Variants in DDR2 observed in about 807,000 individuals in gnomAD.
DDR2 encodes discoidin domain-containing receptor 2.
In DDR2, 27 loss-of-function variants were observed where a neutral mutation model predicts 94.9. The ratio of observed to expected loss-of-function variants is 0.28; its 90% CI spans 0.21 to 0.39. The LOEUF (loss-of-function observed/expected upper bound fraction) is 0.39. DDR2 is among the 10% of genes least tolerant of loss of function. The pLI, the probability that DDR2 is intolerant of heterozygous loss-of-function variation, is 1.00. For synonymous variants in DDR2, 382 were observed against 377.2 expected, an observed-to-expected ratio of 1.01 and a Z score of -0.15; for missense variants, 783 against 1,076.0, an observed-to-expected ratio of 0.73 and a Z score of 3.81.
At chr1:162,769,349 A>T (rs1664152980) in intron 11 of DDR2, among the ~76,000 whole-genome samples, 1 of 152,238 alleles carries the variant, frequency 6.6e-6, no homozygotes, top group African/African-American at 2.4e-5. Context: ...ACACACATAC[A>T]TTCTAAGAAC....
At chr1:162,737,159 AT>A (rs34908304) in intron 3 of DDR2, among the ~76,000 whole-genome samples, 114,845 of 143,336 alleles carry the variant, frequency 0.8, 47,229 homozygotes, top group Non-Finnish European at 0.91. Flanking sequence ...TTTTGGAATA[AT>A]TTTTTTTTTT....
At chr1:162,673,600 TGTGTGTGTGAGAGAGAGA>T (rs1658980102) in intron 2 of DDR2, among the ~76,000 whole-genome samples, 1 of 131,724 alleles carries the variant, frequency 7.6e-6, no homozygotes, top group Admixed American at 7.6e-5. Context: ...TGTGTATGTG[TGTGTGTGTGAGAGAGAGA>T]GAGAGAGAGA....
At chr1:162,762,823 G>C (rs1056741757) in intron 9 of DDR2, among the ~76,000 whole-genome samples, 7 of 151,976 alleles carry the variant, frequency 4.6e-5, no homozygotes, top group African/African-American at 1.7e-4. Context: ...ATCGATTGCA[G>C]TTATTATTAT....
intron 4 of DDR2, among the ~76,000 whole-genome samples, chr1:162,753,534 T>C (rs1386698731): frequency 6.6e-6 from 1 of 152,120 alleles, no homozygotes; most frequent in East Asian, 1.9e-4. Context: ...GTGGCACCTA[T>C]GGGAAGGTGC....
Position 162,780,143 on chromosome 1 carries a change from A to T in DDR2, c.2465A>T (p.Asp822Val), listed in dbSNP as rs1050839202. 7.4e-6 allele frequency: 12 copies of T among 1,613,398 alleles called. No homozygotes were observed. The highest frequency in any genetic ancestry group is 2.2e-5 in the East Asian group (1 of 44,854). ...CTCCCTCAACCAGCCATTTGTCCTG[A>T]CTCTGTGTATAAGCTGATGCTCAGC... ...TYLPQPAICP[D>V]SVYKLMLSCW... The change falls in exon 18 of 18, where the codon GAC (aspartate) becomes GTC (valine). Residue 822 changes from aspartate (D) to valine (V), a missense_variant. Coordinates refer to ENST00000367921, the MANE Select transcript of DDR2 (RefSeq NM_006182.4).
At chr1:162,749,700 C>A (rs972471215) in intron 3 of DDR2, among the ~76,000 whole-genome samples, 3 of 152,060 alleles carry the variant, frequency 2.0e-5, no homozygotes, top group Non-Finnish European at 4.4e-5. Flanking sequence ...AGAGACACAA[C>A]AACAACAAAA....
chr1:162,647,444 G>A (rs1387398649), intron 1 of DDR2, among the ~76,000 whole-genome samples: 1 of 152,170 alleles, frequency 6.6e-6, no homozygotes, highest in Non-Finnish European at 1.5e-5. Flanking sequence ...GACCTCACGT[G>A]AGAAAGAGTT....
intron 1 of DDR2, among the ~76,000 whole-genome samples, chr1:162,654,252 C>T (rs1657846233): frequency 6.6e-6 from 1 of 152,088 alleles, no homozygotes; most frequent in African/African-American, 2.4e-5. Flanking sequence ...TGGAGACCAG[C>T]TTGGGCAACA....
At chr1:162,773,324 A>G (rs1647333247) in intron 13 of DDR2, 145 bp from the exon 14 acceptor site, 4 of 1,079,328 alleles carry the variant, frequency 3.7e-6, no homozygotes, top group Non-Finnish European at 5.5e-6. Context: ...TGAATCATAG[A>G]TATGTTACAC....
chr1:162,656,851 T>TTTTTTTTTTTTTTTTTTTTTTTC lies in DDR2; in HGVS notation c.-28+1484_-28+1485insTTTTTTTTTTTTTTTCTTTTTTT, dbSNP rs1658003883. On this transcript the variant is annotated intron_variant, in intron 2 of 17. Coordinates refer to ENST00000367921, the MANE Select transcript of DDR2 (RefSeq NM_006182.4). ...CACTGGAGTTTTTTTTTTTTTTTTA[T>TTTTTTTTTTTTTTTTTTTTTTTC]TTTTTTTGTTAACAGGGTTTTGCTC... Among the ~76,000 whole-genome samples, 2 of 123,736 alleles carry TTTTTTTTTTTTTTTTTTTTTTTC rather than the reference T, an allele frequency of 1.6e-5. 1 individual carries two copies. The highest frequency in any genetic ancestry group is 3.4e-5 in the Non-Finnish European group (2 of 58,060). The allele number at this position is 123,736 out of a possible 152,430, so 81.2% of individuals were successfully genotyped here. A position where few individuals can be genotyped will look rare whatever the true frequency, so the allele number is the denominator to read the frequency against.
chr1:162,670,211 A>G (rs1182495396), intron 2 of DDR2, among the ~76,000 whole-genome samples: 2 of 152,200 alleles, frequency 1.3e-5, no homozygotes, highest in Non-Finnish European at 2.9e-5. Context: ...CCTGGGTTCA[A>G]GCAATTCTCC....
chr1:162,728,230 A>G (rs1242538319), intron 3 of DDR2, among the ~76,000 whole-genome samples: 1 of 147,160 alleles, frequency 6.8e-6, no homozygotes, highest in Non-Finnish European at 1.5e-5. Flanking sequence ...AGATAGATAT[A>G]TCTTTATATA....
intron 1 of DDR2, among the ~76,000 whole-genome samples, chr1:162,638,219 C>T (rs1429896646): frequency 5.3e-5 from 8 of 152,096 alleles, no homozygotes; most frequent in African/African-American, 1.9e-4. Context: ...TGGGGTTTCA[C>T]CAGGTTGGCC....
intron 11 of DDR2, among the ~76,000 whole-genome samples, chr1:162,769,208 C>T (rs942363520): frequency 6.6e-6 from 1 of 152,134 alleles, no homozygotes; most frequent in Admixed American, 6.5e-5. Flanking sequence ...ACATTTTGCC[C>T]TTGAATATTT....
intron 3 of DDR2, among the ~76,000 whole-genome samples, chr1:162,728,439 C>A (rs543397477): frequency 1.7e-4 from 26 of 151,876 alleles, no homozygotes; most frequent in Non-Finnish European, 3.2e-4. Context: ...AATAGAAAAA[C>A]AAGAGTGAGG....
intron 3 of DDR2, among the ~76,000 whole-genome samples, chr1:162,729,209 A>C (rs1661873507): frequency 6.7e-6 from 1 of 149,914 alleles, no homozygotes; most frequent in Non-Finnish European, 1.5e-5. Flanking sequence ...GGGGCTTCTA[A>C]CAGTCCTGAA....
intron 2 of DDR2, among the ~76,000 whole-genome samples, chr1:162,667,488 G>C (rs1447008930): frequency 2.0e-5 from 3 of 152,108 alleles, no homozygotes; most frequent in Admixed American, 6.6e-5. Flanking sequence ...TTTACAACCA[G>C]GCAGAGAAGC....
At chr1:162,691,366 A>G (rs1053128814) in intron 2 of DDR2, among the ~76,000 whole-genome samples, 2 of 152,070 alleles carry the variant, frequency 1.3e-5, no homozygotes, top group Non-Finnish European at 2.9e-5. Context: ...TGCCCTTGAA[A>G]ACTCTCAGGG....
intron 6 of DDR2, 73 bp downstream of exon 6, chr1:162,755,376 T>C (rs890989189): frequency 1.3e-6 from 2 of 1,574,356 alleles, no homozygotes; most frequent in African/African-American, 2.7e-5. Context: ...GGCAATCAAA[T>C]CAGAAAGGGA....
Sources: allele counts gnomAD v4.1 joint callset (sites outside exome capture counted in the v4.1 genomes callset), GRCh38; gene constraint gnomAD v4.1.1; transcripts MANE v1.5; gene names NCBI Gene and HGNC (gene_info 2026-07-23, HGNC 2026-07-21).